SLC4A4: variants seen among roughly 807,000 people sequenced by gnomAD.
SLC4A4 encodes the protein electrogenic sodium bicarbonate cotransporter 1.
Under a neutral mutation model 111.5 loss-of-function variants are expected in SLC4A4, and 27 were observed. The ratio of observed to expected loss-of-function variants is 0.24; its 90% CI spans 0.18 to 0.33. The LOEUF (loss-of-function observed/expected upper bound fraction) is 0.33. SLC4A4 is among the 10% of genes least tolerant of loss of function. SLC4A4 has a pLI of 1.00. For synonymous variants in SLC4A4, 443 were observed against 463.4 expected (o/e 0.96, Z 0.57); for missense variants, 909 against 1,315.5 (o/e 0.69, Z 4.78).
chr4:71,511,053 T>C (rs1224822431), intron 16 of SLC4A4, among the ~76,000 whole-genome samples: 1 of 152,174 alleles, frequency 6.6e-6, no homozygotes, highest in Non-Finnish European at 1.5e-5. Flanking sequence ...AATGTATATC[T>C]TTTAATGTTA....
intron 1 of SLC4A4, among the ~76,000 whole-genome samples, chr4:71,200,001 C>T (rs1400999198): frequency 1.3e-5 from 2 of 152,074 alleles, no homozygotes; most frequent in East Asian, 1.9e-4. Context: ...CAGGTTAGAG[C>T]ATGTGGCCCA....
intron 2 of SLC4A4, among the ~76,000 whole-genome samples, chr4:71,113,841 C>T (rs12330929): frequency 0.041 from 6,253 of 152,240 alleles, 186 homozygotes; most frequent in African/African-American, 0.077. Flanking sequence ...AAAATGCATG[C>T]TCTATTAGCT....
At chr4:71,300,276 G>A (rs569990458) in intron 3 of SLC4A4, 10 of 211,256 alleles carry the variant, frequency 4.7e-5, no homozygotes, top group Non-Finnish European at 8.1e-5. Context: ...GCCATAGCAC[G>A]GGCACACGGC....
In SLC4A4 at chr4:71,488,533, A is replaced by G. The variant is rs182291890; in HGVS notation, c.1974+1515A>G. On this transcript the variant is annotated intron_variant, in intron 15 of 25. Transcript: ENST00000264485. ...GTTACACATATTCTCATCATTGTAG[A>G]CCTTAATATGTACTATAACCATCAA... 9.9e-5 allele frequency among the ~76,000 whole-genome samples: 15 copies of G among 151,868 alleles called. No individual in the cohort carries two copies. The East Asian group carries it at 2.9e-3, about 30-fold the overall frequency.
chr4:71,283,338 T>G (rs1360449394), intron 3 of SLC4A4, among the ~76,000 whole-genome samples: 1 of 152,166 alleles, frequency 6.6e-6, no homozygotes, highest in Non-Finnish European at 1.5e-5. Context: ...AGGTACAGAG[T>G]GTCTGCAATA....
rs1357201110 is a variant in SLC4A4, at chr4:71,568,045, A to G, written c.*294A>G. ...CTCTGCTTCTCTCTTGCATAGACAC[A>G]ATCAAGACAATAGTGCACCGTTCCT... is the stretch of plus-strand genomic sequence containing the variant. On this transcript the variant is annotated 3_prime_UTR_variant, in exon 26 of 26. Transcript: ENST00000264485. 7 of 581,438 alleles carry G rather than the reference A, an allele frequency of 1.2e-5. No homozygotes were observed. The highest frequency in any genetic ancestry group is 1.9e-5 in the African/African-American group (1 of 51,532). The allele number at this position is 581,438 out of a possible 1,614,324, so 36.0% of individuals were successfully genotyped here.
intron 4 of SLC4A4, among the ~76,000 whole-genome samples, chr4:71,343,237 C>T (rs753070521): frequency 1.3e-5 from 2 of 152,084 alleles, no homozygotes; most frequent in Non-Finnish European, 2.9e-5. Flanking sequence ...TTGACCAAAT[C>T]AGGGTTCTGT....
intron 3 of SLC4A4, among the ~76,000 whole-genome samples, chr4:71,274,995 C>G (rs1722969553): frequency 6.6e-6 from 1 of 151,858 alleles, no homozygotes; most frequent in South Asian, 2.1e-4. Context: ...TCTAAAATGT[C>G]CATTTGAGGC....
In SLC4A4 at chr4:71,333,172, G is replaced by A. The variant is rs554950108; in HGVS notation, c.254-6198G>A. Among the ~76,000 whole-genome samples, 17 of 152,356 alleles carry A rather than the reference G, an allele frequency of 1.1e-4. No homozygotes were observed. The East Asian group carries it at 3.3e-3, about 29-fold the overall frequency. On this transcript the variant is annotated intron_variant, in intron 3 of 25. Coordinates refer to ENST00000264485, the MANE Select transcript of SLC4A4 (RefSeq NM_001098484.3). Reference sequence around the variant, plus strand: ...TACCTGTCTTGGGAAAGCTTTTCAAGCATTCAAAGGGAATTGATTGTTGTG... The same window carrying A: ...TACCTGTCTTGGGAAAGCTTTTCAAACATTCAAAGGGAATTGATTGTTGTG...
At chr4:71,126,896 G>C (rs537687118) in intron 2 of SLC4A4, among the ~76,000 whole-genome samples, 15 of 152,118 alleles carry the variant, frequency 9.9e-5, no homozygotes, top group African/African-American at 3.4e-4. Context: ...GATGACCTTT[G>C]GTTCTGCACC....
chr4:71,199,275 T>G (rs1746144973), intron 1 of SLC4A4, among the ~76,000 whole-genome samples: 1 of 152,192 alleles, frequency 6.6e-6, no homozygotes, highest in South Asian at 2.1e-4. Context: ...AATGCATTGT[T>G]ACATTTGAGG....
chr4:71,415,174 T>A (rs1721722232), intron 7 of SLC4A4, among the ~76,000 whole-genome samples: 1 of 152,168 alleles, frequency 6.6e-6, no homozygotes, highest in South Asian at 2.1e-4. Context: ...CCTAGGGAGG[T>A]ACTTTACTTT....
At chr4:71,139,118 A>G (rs1436508209) in intron 2 of SLC4A4, among the ~76,000 whole-genome samples, 1 of 150,744 alleles carries the variant, frequency 6.6e-6, no homozygotes, top group Non-Finnish European at 1.5e-5. Flanking sequence ...ACCACAAGGG[A>G]TCATTCGGTT....
intron 16 of SLC4A4, among the ~76,000 whole-genome samples, chr4:71,529,516 C>T (rs1733734329): frequency 6.6e-6 from 1 of 151,990 alleles, no homozygotes; most frequent in Non-Finnish European, 1.5e-5. Context: ...TTCAGTTTGC[C>T]ATGTAGGTTT....
chr4:71,398,212 G>A (rs1225540066), intron 7 of SLC4A4, among the ~76,000 whole-genome samples: 1 of 150,904 alleles, frequency 6.6e-6, no homozygotes, highest in Non-Finnish European at 1.5e-5. Context: ...TTGAACCCGA[G>A]AGGCAGAGGT....
At chr4:71,080,738 C>T (rs1262700702) in intron 1 of SLC4A4, among the ~76,000 whole-genome samples, 1 of 152,032 alleles carries the variant, frequency 6.6e-6, no homozygotes, top group Non-Finnish European at 1.5e-5. Context: ...TACTGCCCAG[C>T]TCCTCCTCAT....
At chr4:71,338,797 AC>A (rs1172406383) in intron 3 of SLC4A4, among the ~76,000 whole-genome samples, 1 of 151,094 alleles carries the variant, frequency 6.6e-6, no homozygotes, top group Admixed American at 6.6e-5. Flanking sequence ...ATTTTTGGGT[AC>A]TACCATTCTG....
intron 23 of SLC4A4, among the ~76,000 whole-genome samples, chr4:71,563,183 T>G (rs1028416731): frequency 2.0e-5 from 3 of 151,816 alleles, no homozygotes; most frequent in Admixed American, 2.0e-4. Context: ...TTTTTAAACA[T>G]TTTATTTTCT....
chr4:71,494,232 C>G (rs72853276), intron 15 of SLC4A4, among the ~76,000 whole-genome samples: 1 of 151,916 alleles, frequency 6.6e-6, no homozygotes, highest in Non-Finnish European at 1.5e-5. Context: ...AAACATTACA[C>G]GCATCGTAAG....
Sources: gnomAD v4.1 joint callset for allele counts (sites outside exome capture counted in the v4.1 genomes callset) on GRCh38, gnomAD v4.1.1 for gene constraint, MANE v1.5 for transcripts, NCBI Gene and HGNC (gene_info 2026-07-23, HGNC 2026-07-21) for gene names.